NTRK2: variants seen among roughly 807,000 people sequenced by gnomAD.
The protein encoded by NTRK2 is neurotrophic receptor tyrosine kinase 2.
Under a neutral mutation model 94.5 loss-of-function variants are expected in NTRK2, and 13 were observed. The ratio of observed to expected loss-of-function variants is 0.14; its 90% CI spans 0.09 to 0.22. The LOEUF (loss-of-function observed/expected upper bound fraction) is 0.22, where lower values mean the gene tolerates loss of function less well. Ranked by LOEUF, NTRK2 falls within the 10% of genes least tolerant of loss-of-function variation. The pLI is 1.00. For synonymous variants in NTRK2, 372 were observed against 407.4 expected (o/e 0.91, Z 1.05); for missense variants, 639 against 1,071.2 (o/e 0.60, Z 5.63).
chr9:84,997,254 G>C (rs10868247), intron 17 of NTRK2, among the ~76,000 whole-genome samples: 18,851 of 152,182 alleles, frequency 0.12, 1,528 homozygotes, highest in East Asian at 0.44. Context: ...GGACTGGCCC[G>C]GGGCAAAGCT....
At chr9:84,677,628 A>G (rs973420072) in intron 2 of NTRK2, among the ~76,000 whole-genome samples, 10 of 152,178 alleles carry the variant, frequency 6.6e-5, no homozygotes, top group African/African-American at 2.4e-4. Flanking sequence ...AAAGCAGAGC[A>G]TAATTTAGGG....
At chr9:84,744,912 G>C (rs1190411815) in intron 10 of NTRK2, 61 bp from the exon 11 acceptor site, 6 of 1,144,520 alleles carry the variant, frequency 5.2e-6, no homozygotes, top group African/African-American at 1.5e-5. Flanking sequence ...GTGGCCCTGT[G>C]TTTGTTGGCA....
rs928811211 is a variant in NTRK2 at position 84,731,193 on chromosome 9, G to A, written c.1159+3234G>A. ...CTCATGTTTGTAATCCCAGAACTTT[G>A]GGAAGCTGAAGTGGGCAGATCGCTT... On this transcript the variant is annotated intron_variant, in intron 9 of 18. Coordinates refer to ENST00000277120, the MANE Select transcript of NTRK2 (RefSeq NM_006180.6). Among the ~76,000 whole-genome samples the A allele has an allele frequency of 3.9e-5, 6 of 152,288 alleles. No individual in the cohort carries two copies. In the South Asian group the frequency reaches 1.0e-3, roughly 26 times the overall value.
chr9:84,789,285 G>T (rs868020815), intron 12 of NTRK2, among the ~76,000 whole-genome samples: 7 of 152,196 alleles, frequency 4.6e-5, no homozygotes, highest in Non-Finnish European at 1.0e-4. Flanking sequence ...CAAGCAGGTT[G>T]TGAAATGGCT....
At chr9:84,914,257 G>T (rs1441711376) in intron 14 of NTRK2, among the ~76,000 whole-genome samples, 1 of 151,940 alleles carries the variant, frequency 6.6e-6, no homozygotes, top group East Asian at 1.9e-4. Flanking sequence ...ATTGCTCATT[G>T]AAGCATTTTC....
intron 12 of NTRK2, among the ~76,000 whole-genome samples, chr9:84,793,900 A>G (rs74354242): frequency 0.018 from 2,812 of 152,298 alleles, 82 homozygotes; most frequent in African/African-American, 0.064. Flanking sequence ...AAAACAGCAG[A>G]GTTGAGTGAC....
intron 14 of NTRK2, among the ~76,000 whole-genome samples, chr9:84,897,218 C>T (rs1218881627): frequency 2.0e-5 from 3 of 152,124 alleles, no homozygotes; most frequent in East Asian, 1.9e-4. Context: ...CTCACTGCAA[C>T]GTCCGACTCC....
intron 11 of NTRK2, among the ~76,000 whole-genome samples, chr9:84,745,409 A>C (rs185721634): frequency 3.3e-5 from 5 of 152,234 alleles, no homozygotes; most frequent in African/African-American, 1.2e-4. Flanking sequence ...TTTTAATATA[A>C]TTTTGACTGC....
chr9:84,865,674 A>G (rs140551109), intron 13 of NTRK2, among the ~76,000 whole-genome samples: 2 of 152,362 alleles, frequency 1.3e-5, no homozygotes, highest in Admixed American at 1.3e-4. Flanking sequence ...AGGAAGTAGC[A>G]ATTCAGACAT....
At chr9:84,872,210 C>A in intron 14 of NTRK2, 1 of 1,149,628 alleles carries the variant, frequency 8.7e-7, no homozygotes, top group Non-Finnish European at 1.1e-6. Flanking sequence ...ACAAACTCAG[C>A]TCAAGGGCAG....
In NTRK2 at chr9:85,023,236, C is replaced by T. The variant is rs1250096507; in HGVS notation, c.*1799C>T. 3 of 232,842 alleles carry T rather than the reference C, an allele frequency of 1.3e-5. No homozygotes were observed. In the East Asian group the frequency reaches 1.8e-4, roughly 14 times the overall value. 14.4% of individuals were successfully genotyped at this position (232,842 alleles called of 1,614,324 possible). Reference sequence around the variant, plus strand: ...CTGTTCCTCAAGAAAACTTGCTACCCTCTGTGAGGGGAATTTTGCTAAACT... The same window carrying T: ...CTGTTCCTCAAGAAAACTTGCTACCTTCTGTGAGGGGAATTTTGCTAAACT... On this transcript the variant is annotated 3_prime_UTR_variant, in exon 19 of 19. Coordinates refer to ENST00000277120, the MANE Select transcript of NTRK2 (RefSeq NM_006180.6).
chr9:84,904,068 T>C (rs1242559826), intron 14 of NTRK2, among the ~76,000 whole-genome samples: 1 of 152,218 alleles, frequency 6.6e-6, no homozygotes, highest in Admixed American at 6.5e-5. Context: ...TATTATAGAT[T>C]ATTTTTTCCT....
intron 12 of NTRK2, among the ~76,000 whole-genome samples, chr9:84,857,698 T>C (rs1015156668): frequency 1.3e-5 from 2 of 152,202 alleles, no homozygotes; most frequent in African/African-American, 4.8e-5. Flanking sequence ...AGTTCATCAA[T>C]TTAAGAATAA....
chr9:84,887,472 C>T (rs1051855339), intron 14 of NTRK2, among the ~76,000 whole-genome samples: 1 of 152,226 alleles, frequency 6.6e-6, no homozygotes, highest in East Asian at 1.9e-4. Context: ...GGAAGATTTC[C>T]TGCTCTCAAA....
chr9:84,901,570 AAATAAGAGC>A (rs1315573277), intron 14 of NTRK2, among the ~76,000 whole-genome samples: 2 of 152,180 alleles, frequency 1.3e-5, no homozygotes, highest in Non-Finnish European at 2.9e-5. Context: ...AAGTCCAATA[AAATAAGAGC>A]AAATGCATTA....
intron 15 of NTRK2, among the ~76,000 whole-genome samples, chr9:84,943,440 G>A (rs1423523749): frequency 1.3e-5 from 2 of 152,112 alleles, no homozygotes; most frequent in African/African-American, 4.8e-5. Context: ...TTCCAATTCT[G>A]AATCAATATG....
At chr9:84,916,481 A>G (rs1390356722) in intron 14 of NTRK2, among the ~76,000 whole-genome samples, 1 of 152,170 alleles carries the variant, frequency 6.6e-6, no homozygotes, top group African/African-American at 2.4e-5. Flanking sequence ...CTCTCAACAT[A>G]ATGTCCCATG....
chr9:84,909,713 G>T (rs2077181921), intron 14 of NTRK2, among the ~76,000 whole-genome samples: 1 of 151,906 alleles, frequency 6.6e-6, no homozygotes, highest in South Asian at 2.1e-4. Context: ...TGTTTGTCTT[G>T]CCATTGTTTA....
intron 12 of NTRK2, chr9:84,813,664 A>C: frequency 9.4e-7 from 1 of 1,065,992 alleles, no homozygotes; most frequent in Non-Finnish European, 1.1e-6. Flanking sequence ...TTCTGCACCA[A>C]TGTCTCCCCT....
Sources: allele counts gnomAD v4.1 joint callset (sites outside exome capture counted in the v4.1 genomes callset), GRCh38; gene constraint gnomAD v4.1.1; transcripts MANE v1.5; gene names NCBI Gene and HGNC (gene_info 2026-07-23, HGNC 2026-07-21).